PIEZO2: variants seen among roughly 807,000 people sequenced by gnomAD.
The protein encoded by PIEZO2 is piezo-type mechanosensitive ion channel component 2.
In PIEZO2, 172 loss-of-function variants were observed where a neutral mutation model predicts 337.3. The observed-to-expected ratio is 0.51, with a 90% CI of 0.45 to 0.58. The LOEUF is 0.58. PIEZO2 is among the 20% of genes least tolerant of loss of function. The probability of loss-of-function intolerance (pLI) is 0.00; values close to 1 mark genes in which losing one functional copy is unlikely to be tolerated. For synonymous variants in PIEZO2, 1,251 were observed against 1,228.5 expected, an observed-to-expected ratio of 1.02 and a Z score of -0.38; for missense variants, 3,028 against 3,391.3, an observed-to-expected ratio of 0.89 and a Z score of 2.66.
At chr18:10,886,380 G>GTGTATATA (rs1555669557) in intron 4 of PIEZO2, among the ~76,000 whole-genome samples, 1 of 3,038 alleles carries the variant, frequency 3.3e-4, no homozygotes, top group Non-Finnish European at 4.3e-4. Context: ...GTGTGTGTGT[G>GTGTATATA]TATATATATA....
rs1371118460 is a variant in PIEZO2, at chr18:10,752,762, C to A, written c.4041G>T (p.Val1347=). Residue 1347 remains valine, a synonymous_variant, in exon 28 of 56, where the codon GTG becomes GTT. Coordinates refer to ENST00000674853, the MANE Select transcript of PIEZO2 (RefSeq NM_001378183.1). ...RISIFCMGYL[V]ACFYFLLFGG... ...CAAAGAGCAGGAAGTAGAAACAGGC[C>A]ACCAGGTACCCCATGCAAAAGATGC... 6.5e-7 allele frequency: 1 copy of A among 1,537,186 alleles called. No homozygotes were observed. Among genetic ancestry groups the A allele is most frequent in the Non-Finnish European group, 8.7e-7 (1 of 1,146,902 alleles).
chr18:10,950,730 C>T (rs1208946319), intron 3 of PIEZO2, among the ~76,000 whole-genome samples: 4 of 152,124 alleles, frequency 2.6e-5, no homozygotes, highest in African/African-American at 7.2e-5. Context: ...CTCCTCTTCC[C>T]TCTTCTGTAC....
chr18:10,829,756 C>T (rs2040786956), intron 7 of PIEZO2, among the ~76,000 whole-genome samples: 1 of 151,902 alleles, frequency 6.6e-6, no homozygotes, highest in Admixed American at 6.6e-5. Flanking sequence ...TGAAAGATCT[C>T]TACAATGAAA....
intron 36 of PIEZO2, among the ~76,000 whole-genome samples, chr18:10,722,136 C>T (rs1375947390): frequency 9.0e-6 from 1 of 111,500 alleles, no homozygotes; most frequent in Non-Finnish European, 1.8e-5. Context: ...GGCAACAGAG[C>T]AAGACTCCAT....
chr18:10,864,980 G>A (rs1598602118), intron 5 of PIEZO2, among the ~76,000 whole-genome samples: 1 of 152,186 alleles, frequency 6.6e-6, no homozygotes, highest in South Asian at 2.1e-4. Context: ...CGGGAGAAGA[G>A]CATCTGCACA....
rs181170618 is a variant in PIEZO2, at chr18:11,088,831, A to T, written c.65-22609T>A. Among the ~76,000 whole-genome samples the T allele has an allele frequency of 1.0e-3, 152 of 152,364 alleles. 1 individual carries two copies. The highest frequency in any genetic ancestry group is 2.3e-3 in the African/African-American group (95 of 41,584). On this transcript the variant is annotated intron_variant, in intron 1 of 55. Coordinates refer to ENST00000674853, the MANE Select transcript of PIEZO2 (RefSeq NM_001378183.1). ...AGTGCAACCCATACAGGCCAGCCTCATAACTCACACCAAGGGGGCTCATGG... is the reference window on the plus strand; with the variant it reads ...AGTGCAACCCATACAGGCCAGCCTCTTAACTCACACCAAGGGGGCTCATGG...
At chr18:10,911,565 G>A (rs936236945) in intron 3 of PIEZO2, among the ~76,000 whole-genome samples, 2 of 151,968 alleles carry the variant, frequency 1.3e-5, no homozygotes, top group African/African-American at 2.4e-5. Flanking sequence ...GACCAGCCTG[G>A]CCAACATGGT....
intron 2 of PIEZO2, among the ~76,000 whole-genome samples, chr18:10,999,404 T>G (rs905062027): frequency 2.6e-5 from 4 of 152,172 alleles, no homozygotes; most frequent in African/African-American, 2.4e-5. Context: ...CAACCATGGA[T>G]GAAAAATATA....
In PIEZO2 at chr18:11,083,313, T is replaced by A. The variant is rs1318482587; in HGVS notation, c.65-17091A>T. Among the ~76,000 whole-genome samples the A allele has an allele frequency of 6.6e-6, 1 of 152,202 alleles. No individual in the cohort carries two copies. Among genetic ancestry groups the A allele is most frequent in the Non-Finnish European group, 1.5e-5 (1 of 68,036 alleles). On this transcript the variant is annotated intron_variant, in intron 1 of 55. Coordinates refer to ENST00000674853, the MANE Select transcript of PIEZO2 (RefSeq NM_001378183.1). This position sits in a 1 kb window ranked among gnomAD's most constrained non-coding sequence, Gnocchi z 4.4. ...GTGGTTCTTTATGAAAAGAGGGAAA[T>A]ATTTGTATTCACTTAGAGGCCAGGA...
At chr18:11,061,701 G>A (rs1348844628) in intron 2 of PIEZO2, among the ~76,000 whole-genome samples, 4 of 152,080 alleles carry the variant, frequency 2.6e-5, no homozygotes, top group African/African-American at 9.7e-5. Context: ...ACTTACAAGG[G>A]ACGTGAAGGA....
At chr18:11,019,834 G>T (rs77414227) in intron 2 of PIEZO2, among the ~76,000 whole-genome samples, 3,021 of 152,218 alleles carry the variant, frequency 0.02, 103 homozygotes, top group African/African-American at 0.069. Flanking sequence ...TAGTACTAAT[G>T]ACAATCTGTA....
chr18:11,118,537 G>T (rs1358968843), intron 1 of PIEZO2, among the ~76,000 whole-genome samples: 4 of 152,176 alleles, frequency 2.6e-5, no homozygotes, highest in Admixed American at 2.6e-4. Context: ...GCCAACCAAT[G>T]CTGGAATGTT....
Position 10,899,299 on chromosome 18 carries a change from G to A in PIEZO2, c.329+11887C>T, listed in dbSNP as rs572807686. ...TAAACTTAGGAAGGTGTGTTTGTGT[G>A]TGTGTGTGTAGAGGTATATCAGGAA... On this transcript the variant is annotated intron_variant, in intron 4 of 55. Coordinates refer to ENST00000674853, the MANE Select transcript of PIEZO2 (RefSeq NM_001378183.1). This position sits in a 1 kb window ranked among gnomAD's most constrained non-coding sequence, Gnocchi z 4.6. Among the ~76,000 whole-genome samples, 15 of 152,332 alleles carry A rather than the reference G, an allele frequency of 9.8e-5. No individual in the cohort carries two copies. Among genetic ancestry groups the A allele is most frequent in the South Asian group, 2.1e-4 (1 of 4,830 alleles).
intron 43 of PIEZO2, among the ~76,000 whole-genome samples, chr18:10,700,588 A>T (rs2035289905): frequency 6.6e-6 from 1 of 152,120 alleles, no homozygotes; most frequent in South Asian, 2.1e-4. Flanking sequence ...AAAGATAGTA[A>T]AAGTGCCTAA....
rs1455618406 is a variant in PIEZO2 at position 11,016,358 on chromosome 18, A to G, written c.161-36698T>C. Among the ~76,000 whole-genome samples, 2 of 152,216 alleles carry G rather than the reference A, an allele frequency of 1.3e-5. No individual in the cohort carries two copies. Among genetic ancestry groups the G allele is most frequent in the Non-Finnish European group, 2.9e-5 (2 of 68,036 alleles). ...GAAAAAACAGGCACAGAGCAAGGAC[A>G]CAAGGCAACATCCAGAGGCAGAAAG... On this transcript the variant is annotated intron_variant, in intron 2 of 55. Transcript: ENST00000674853. This position sits in a 1 kb window ranked among gnomAD's most constrained non-coding sequence, Gnocchi z 5.6.
At chr18:10,914,520 G>A (rs986437014) in intron 3 of PIEZO2, among the ~76,000 whole-genome samples, 1 of 152,038 alleles carries the variant, frequency 6.6e-6, no homozygotes, top group African/African-American at 2.4e-5. Context: ...AGATATAAAT[G>A]CTATGTAAAT....
At chr18:10,810,354 C>T (rs16972985) in intron 7 of PIEZO2, among the ~76,000 whole-genome samples, 39,200 of 152,092 alleles carry the variant, frequency 0.26, 5,343 homozygotes, top group East Asian at 0.36. Flanking sequence ...GTCTGCATTG[C>T]TGTTTCATGG....
chr18:10,835,604 C>T (rs887493031), intron 7 of PIEZO2, among the ~76,000 whole-genome samples: 1 of 150,002 alleles, frequency 6.7e-6, no homozygotes, highest in Non-Finnish European at 1.5e-5. Context: ...AGTGCAGTGG[C>T]GCGATCTCGG....
At chr18:10,842,082 G>A (rs1157105545) in intron 7 of PIEZO2, among the ~76,000 whole-genome samples, 2 of 151,096 alleles carry the variant, frequency 1.3e-5, no homozygotes, top group African/African-American at 4.9e-5. Flanking sequence ...ATTGGAGGTG[G>A]AGGCTGCAGT....
Sources: allele counts gnomAD v4.1 joint callset (sites outside exome capture counted in the v4.1 genomes callset), GRCh38; gene constraint gnomAD v4.1.1; non-coding constraint Gnocchi (gnomAD v3.1); transcripts MANE v1.5; gene names NCBI Gene and HGNC (gene_info 2026-07-23, HGNC 2026-07-21).